RAD51B: variants seen among roughly 807,000 people sequenced by gnomAD.
RAD51B encodes RAD51 paralog B, also known as DNA repair protein RAD51 homolog 2.
RAD51B carries 38 observed loss-of-function variants against 42.2 expected under a neutral mutation model. The observed-to-expected ratio is 0.90, with a 90% confidence interval of 0.70 to 1.18. The LOEUF is 1.18. Among genes scored for constraint, RAD51B ranks in the 50% most tolerant of loss-of-function variants. RAD51B has a pLI of 0.00. For synonymous variants in RAD51B, 154 were observed against 145.2 expected, an observed-to-expected ratio of 1.06 and a Z score of -0.43; for missense variants, 373 against 400.7, an observed-to-expected ratio of 0.93 and a Z score of 0.59.
chr14:68,369,009 A>G (rs992201405), intron 8 of RAD51B, among the ~76,000 whole-genome samples: 1 of 152,106 alleles, frequency 6.6e-6, no homozygotes, highest in Admixed American at 6.5e-5. Flanking sequence ...ATCTGTGTAC[A>G]GTGAGATAGC....
chr14:68,549,703 C>T (rs939970400), intron 10 of RAD51B, among the ~76,000 whole-genome samples: 6 of 150,674 alleles, frequency 4.0e-5, no homozygotes, highest in Non-Finnish European at 8.9e-5. Context: ...CGTGAGCCAC[C>T]GCGCCCGGCC....
intron 8 of RAD51B, among the ~76,000 whole-genome samples, chr14:68,320,599 CT>C (rs1175781464): frequency 1.3e-5 from 2 of 152,246 alleles, no homozygotes; most frequent in Non-Finnish European, 2.9e-5. Context: ...CTGCTTTCCT[CT>C]TTGTTAAGAA....
intron 9 of RAD51B, among the ~76,000 whole-genome samples, chr14:68,457,392 G>A (rs78919098): frequency 0.025 from 3,817 of 152,236 alleles, 148 homozygotes; most frequent in African/African-American, 0.086. Context: ...AGCTTATGTG[G>A]TGTAGTTAAA....
chr14:68,092,274 A>G (rs1384741502), intron 7 of RAD51B, among the ~76,000 whole-genome samples: 5 of 152,292 alleles, frequency 3.3e-5, no homozygotes, highest in Middle Eastern at 3.4e-3. Context: ...CATTGAACGT[A>G]TAAATTACCT....
chr14:68,089,989 G>A (rs28747074), intron 7 of RAD51B, among the ~76,000 whole-genome samples: 17 of 152,102 alleles, frequency 1.1e-4, no homozygotes, highest in African/African-American at 2.7e-4. Flanking sequence ...GAAAGTAAGC[G>A]GAAACTAGAA....
At chr14:68,540,743 A>C in intron 10 of RAD51B, 2 of 985,460 alleles carry the variant, frequency 2.0e-6, no homozygotes, top group Non-Finnish European at 2.4e-6. Context: ...AGTGAGGGAC[A>C]CTTTGTGAAG....
chr14:68,034,000 A>AAAATCTG (rs2076084897), intron 7 of RAD51B, among the ~76,000 whole-genome samples: 1 of 152,206 alleles, frequency 6.6e-6, no homozygotes, highest in Admixed American at 6.5e-5. Context: ...TTAAAAAAAC[A>AAAATCTG]AAATCTGAGA....
chr14:68,537,545 G>GT (rs1349896071), intron 10 of RAD51B, among the ~76,000 whole-genome samples: 2 of 150,570 alleles, frequency 1.3e-5, no homozygotes. Context: ...TTTTATTTTT[G>GT]TTTTTGTTTT....
intron 7 of RAD51B, among the ~76,000 whole-genome samples, chr14:68,051,192 T>C (rs7154014): frequency 0.17 from 26,243 of 151,938 alleles, 2,434 homozygotes; most frequent in Middle Eastern, 0.35. Context: ...AAAATTTATA[T>C]AGAAAAATTA....
chr14:68,035,569 TAA>T (rs2076109081), intron 7 of RAD51B, among the ~76,000 whole-genome samples: 1 of 152,188 alleles, frequency 6.6e-6, no homozygotes, highest in African/African-American at 2.4e-5. Context: ...GAAGATTCAG[TAA>T]AAAACACTGT....
chr14:68,240,756 T>A (rs925328280), intron 7 of RAD51B, among the ~76,000 whole-genome samples: 2 of 152,212 alleles, frequency 1.3e-5, no homozygotes, highest in African/African-American at 4.8e-5. Context: ...GAAGAAATAT[T>A]GGACTGTTTT....
intron 7 of RAD51B, among the ~76,000 whole-genome samples, chr14:68,064,349 C>G (rs1311627712): frequency 6.6e-6 from 1 of 152,078 alleles, no homozygotes; most frequent in Non-Finnish European, 1.5e-5. Context: ...AATATGTGAC[C>G]TGATGCTTTT....
intron 10 of RAD51B, among the ~76,000 whole-genome samples, chr14:68,523,224 G>T (rs1419612372): frequency 6.6e-6 from 1 of 152,214 alleles, no homozygotes; most frequent in Non-Finnish European, 1.5e-5. Context: ...TACCAGGCAT[G>T]AGGGCAGAGG....
At chr14:68,287,192 G>A (rs1477102516) in intron 7 of RAD51B, among the ~76,000 whole-genome samples, 2 of 152,160 alleles carry the variant, frequency 1.3e-5, no homozygotes, top group African/African-American at 2.4e-5. Context: ...TCTATACCCC[G>A]TATTTCTTTT....
rs553961511 is a variant in RAD51B, at chr14:68,091,821, T to C, written c.757-200063T>C. Among the ~76,000 whole-genome samples the C allele has an allele frequency of 3.3e-5, 5 of 152,342 alleles. No homozygotes were observed. The East Asian group carries it at 7.7e-4, about 23-fold the overall frequency. On this transcript the variant is annotated intron_variant, in intron 7 of 10. Coordinates refer to ENST00000471583, the MANE Select transcript of RAD51B (RefSeq NM_133510.4). ...TGCCTAGGTTTTCTTCTAGGGTTTT[T>C]ATGGTTTTAGGTCTAACATGTAAGT...
intron 8 of RAD51B, among the ~76,000 whole-genome samples, chr14:68,407,330 A>C (rs2084304716): frequency 6.6e-6 from 1 of 152,220 alleles, no homozygotes; most frequent in Non-Finnish European, 1.5e-5. Context: ...ATTGATAAAA[A>C]GTATAGTAAA....
intron 10 of RAD51B, among the ~76,000 whole-genome samples, chr14:68,530,514 G>A (rs1566928046): frequency 6.8e-6 from 1 of 148,100 alleles, no homozygotes; most frequent in African/African-American, 2.5e-5. Context: ...AGAAAAGAGA[G>A]TTATTTATAA....
intron 7 of RAD51B, among the ~76,000 whole-genome samples, chr14:67,999,394 G>T (rs775484945): frequency 1.1e-4 from 17 of 152,214 alleles, no homozygotes; most frequent in Non-Finnish European, 1.6e-4. Flanking sequence ...CACTGTGCTA[G>T]CATAGGAGGA....
chr14:68,651,680 G>T (rs1302029271), intron 11 of RAD51B, among the ~76,000 whole-genome samples: 1 of 152,172 alleles, frequency 6.6e-6, no homozygotes, highest in Non-Finnish European at 1.5e-5. Flanking sequence ...GCTGAAGAAG[G>T]TTTGACTGTA....
Sources: allele counts gnomAD v4.1 joint callset (sites outside exome capture counted in the v4.1 genomes callset), GRCh38; gene constraint gnomAD v4.1.1; transcripts MANE v1.5; gene names NCBI Gene and HGNC (gene_info 2026-07-23, HGNC 2026-07-21).